LDHC: variants seen among roughly 807,000 people sequenced by gnomAD.
LDHC encodes the protein lactate dehydrogenase C, also known as L-lactate dehydrogenase C chain.
A neutral mutation model predicts 30.2 loss-of-function variants in LDHC; 20 were observed. The observed-to-expected ratio is 0.66, with a 90% CI of 0.47 to 0.96. LDHC has a LOEUF of 0.96. Among genes scored for constraint, LDHC ranks in the 40% least tolerant of loss-of-function variants. The pLI, the probability that LDHC is intolerant of heterozygous loss-of-function variation, is 0.00. For synonymous variants in LDHC, 139 were observed against 132.7 expected, an observed-to-expected ratio of 1.05 and a Z score of -0.32; for missense variants, 362 against 394.9, an observed-to-expected ratio of 0.92 and a Z score of 0.71.
At chr11:18,447,584 A>G (rs924318123) in intron 7 of LDHC, among the ~76,000 whole-genome samples, 1 of 152,218 alleles carries the variant, frequency 6.6e-6, no homozygotes, top group African/African-American at 2.4e-5. Flanking sequence ...GTTAACAAGG[A>G]TAATGGCAGA....
At chr11:18,413,077 A>T (rs1342044341) in intron 2 of LDHC, among the ~76,000 whole-genome samples, 27 of 94,042 alleles carry the variant, frequency 2.9e-4, no homozygotes, top group Admixed American at 3.5e-4. Flanking sequence ...TTTTTTTCTG[A>T]CTTTCCTTTT....
intron 3 of LDHC, among the ~76,000 whole-genome samples, chr11:18,429,116 C>CTTTTTTTTTTTTT (rs36038254): frequency 1.1e-5 from 1 of 93,924 alleles, no homozygotes; most frequent in African/African-American, 4.1e-5. Flanking sequence ...TCATTTTGGT[C>CTTTTTTTTTTTTT]TTTTTTTTTT....
chr11:18,439,825 A>AC (rs1848428800), intron 6 of LDHC, among the ~76,000 whole-genome samples: 3 of 144,482 alleles, frequency 2.1e-5, no homozygotes, highest in Non-Finnish European at 4.6e-5. Context: ...AAAAAAAAAA[A>AC]AAAAAAAAAA....
chr11:18,415,081 A>C (rs1866982661), intron 2 of LDHC, 103 bp from the exon 3 acceptor site: 2 of 620,598 alleles, frequency 3.2e-6, no homozygotes, highest in East Asian at 2.8e-5. Flanking sequence ...TTCCCTATTA[A>C]AATATGAGAT....
intron 5 of LDHC, 102 bp downstream of exon 5, chr11:18,435,015 T>C: frequency 1.4e-6 from 1 of 728,882 alleles, no homozygotes; most frequent in East Asian, 2.8e-5. Context: ...GTTGTATAAG[T>C]TTAATTTTTT....
At chr11:18,413,371 C>T (rs1866936924) in intron 2 of LDHC, among the ~76,000 whole-genome samples, 1 of 151,980 alleles carries the variant, frequency 6.6e-6, no homozygotes, top group Non-Finnish European at 1.5e-5. Context: ...GCATGAGCCA[C>T]CACACCTGGC....
intron 3 of LDHC, among the ~76,000 whole-genome samples, chr11:18,417,232 T>C (rs1010287323): frequency 6.6e-6 from 1 of 152,084 alleles, no homozygotes; most frequent in Non-Finnish European, 1.5e-5. Context: ...AGTCTTGAAC[T>C]CCTGGGCTGA....
chr11:18,413,459 CTTTTTT>C (rs34176196), intron 2 of LDHC, among the ~76,000 whole-genome samples: 1 of 77,086 alleles, frequency 1.3e-5, no homozygotes. Flanking sequence ...ATTGTTCTCT[CTTTTTT>C]TTTTTTTTTT....
In LDHC at chr11:18,437,825, G is replaced by A. The variant is rs369689055; in HGVS notation, c.593-703G>A. On this transcript the variant is annotated intron_variant, in intron 5 of 7. Coordinates refer to ENST00000541669, the MANE Select transcript of LDHC (RefSeq NM_017448.5). The stretch of plus-strand genomic sequence containing the variant: ...CATGCCTGTAATCCCAGCACTTTTG[G>A]AGGCCAACGCGTGTGGATCACTTGA... Among the ~76,000 whole-genome samples, 33 of 151,940 alleles carry A rather than the reference G, an allele frequency of 2.2e-4. No homozygotes were observed. The East Asian group carries it at 6.4e-3, about 29-fold the overall frequency.
intron 3 of LDHC, among the ~76,000 whole-genome samples, chr11:18,420,072 G>A (rs966723060): frequency 2.0e-5 from 3 of 151,712 alleles, no homozygotes; most frequent in Admixed American, 1.3e-4. Context: ...CAGCCTGGGC[G>A]ACAAAGTGAG....
chr11:18,419,363 A>G (rs1867078917), intron 3 of LDHC, among the ~76,000 whole-genome samples: 1 of 152,236 alleles, frequency 6.6e-6, no homozygotes, highest in African/African-American at 2.4e-5. Flanking sequence ...GATGATCTAC[A>G]AATAATTATT....
rs1848401955 is a variant in LDHC at position 18,438,652 on chromosome 11, G to A, written c.710+7G>A. Reference sequence around the variant, plus strand: ...ATAAACAAGTTATTCAAAGGTAATAGTACCTATTCAGTTTCTTAATGCCTT... The same window carrying A: ...ATAAACAAGTTATTCAAAGGTAATAATACCTATTCAGTTTCTTAATGCCTT... On this transcript the variant is annotated splice_region_variant and intron_variant, in intron 6 of 7. Coordinates refer to ENST00000541669, the MANE Select transcript of LDHC (RefSeq NM_017448.5). The A allele has an allele frequency of 7.0e-7, 1 of 1,433,216 alleles. No individual in the cohort carries two copies. Among genetic ancestry groups the A allele is most frequent in the South Asian group, 1.1e-5 (1 of 87,044 alleles). 88.8% of individuals were successfully genotyped at this position (1,433,216 alleles called of 1,614,324 possible).
At chr11:18,416,783 C>A (rs11024649) in intron 3 of LDHC, among the ~76,000 whole-genome samples, 1 of 151,150 alleles carries the variant, frequency 6.6e-6, no homozygotes, top group Non-Finnish European at 1.5e-5. Flanking sequence ...CCCCTTTCCC[C>A]CTCTGATCCT....
intron 7 of LDHC, among the ~76,000 whole-genome samples, chr11:18,449,608 G>A (rs941252707): frequency 1.3e-5 from 2 of 152,122 alleles, no homozygotes; most frequent in African/African-American, 4.8e-5. Context: ...TTCTTGGCGG[G>A]GCACCCTCAG....
At chr11:18,417,227 T>C (rs549025130) in intron 3 of LDHC, among the ~76,000 whole-genome samples, 23 of 151,964 alleles carry the variant, frequency 1.5e-4, no homozygotes, top group Non-Finnish European at 2.8e-4. Flanking sequence ...ACTACAGTCT[T>C]GAACTCCTGG....
intron 3 of LDHC, among the ~76,000 whole-genome samples, chr11:18,422,485 T>A (rs1012445147): frequency 3.4e-5 from 5 of 147,188 alleles, no homozygotes; most frequent in Admixed American, 6.9e-5. Flanking sequence ...AACCCGGAGG[T>A]GGAAGTTGCA....
chr11:18,430,951 C>T (rs185087944), intron 4 of LDHC, among the ~76,000 whole-genome samples: 8 of 151,896 alleles, frequency 5.3e-5, no homozygotes, highest in Non-Finnish European at 8.8e-5. Context: ...ATCGCTTGAG[C>T]CTAGGAGTTT....
At chr11:18,442,484 C>G (rs1848483184) in intron 6 of LDHC, among the ~76,000 whole-genome samples, 1 of 152,114 alleles carries the variant, frequency 6.6e-6, no homozygotes, top group Non-Finnish European at 1.5e-5. Flanking sequence ...GTTAGTACAT[C>G]TACAACCACT....
intron 4 of LDHC, among the ~76,000 whole-genome samples, chr11:18,430,112 A>G (rs1263961183): frequency 6.6e-6 from 1 of 152,166 alleles, no homozygotes; most frequent in Non-Finnish European, 1.5e-5. Context: ...GCTACCTCTG[A>G]AAGTTTTCTT....
Sources: gnomAD v4.1 joint callset for allele counts (sites outside exome capture counted in the v4.1 genomes callset) on GRCh38, gnomAD v4.1.1 for gene constraint, MANE v1.5 for transcripts, NCBI Gene and HGNC (gene_info 2026-07-23, HGNC 2026-07-21) for gene names.